MACROD2: variants seen among roughly 807,000 people sequenced by gnomAD.
The protein encoded by MACROD2 is ADP-ribose glycohydrolase MACROD2.
A neutral mutation model predicts 70.4 loss-of-function variants in MACROD2; 36 were observed. That is an observed-to-expected ratio of 0.51 (90% CI 0.39 to 0.68). MACROD2 has a LOEUF of 0.68. Ranked by LOEUF, MACROD2 falls within the 30% of genes least tolerant of loss-of-function variation. The pLI, the probability that MACROD2 is intolerant of heterozygous loss-of-function variation, is 0.00. For missense variants in MACROD2, 496 were observed against 538.4 expected, an observed-to-expected ratio of 0.92 and a Z score of 0.78; for synonymous variants, 172 against 178.8, an observed-to-expected ratio of 0.96 and a Z score of 0.30.
At chr20:15,283,208 G>C (rs2077461554) in intron 6 of MACROD2, among the ~76,000 whole-genome samples, 1 of 152,176 alleles carries the variant, frequency 6.6e-6, no homozygotes, top group Non-Finnish European at 1.5e-5. Context: ...GGGACACAGA[G>C]CCAAACCATA....
At chr20:15,897,647 T>C (rs2064993830) in intron 10 of MACROD2, among the ~76,000 whole-genome samples, 1 of 152,190 alleles carries the variant, frequency 6.6e-6, no homozygotes, top group South Asian at 2.1e-4. Context: ...TTCAACTTTA[T>C]TTAATCTGAT....
intron 5 of MACROD2, among the ~76,000 whole-genome samples, chr20:14,695,089 T>A (rs2046137024): frequency 6.6e-6 from 1 of 152,148 alleles, no homozygotes; most frequent in Admixed American, 6.5e-5. Flanking sequence ...TTCCTAGGGC[T>A]GCTGTAACAA....
chr20:15,191,793 C>T (rs2076572155), intron 5 of MACROD2, among the ~76,000 whole-genome samples: 1 of 152,050 alleles, frequency 6.6e-6, no homozygotes, highest in Admixed American at 6.6e-5. Flanking sequence ...AACCCCAGCT[C>T]AAGGATTAGG....
chr20:14,266,773 T>C (rs1444934850), intron 3 of MACROD2, among the ~76,000 whole-genome samples: 1 of 152,184 alleles, frequency 6.6e-6, no homozygotes, highest in Non-Finnish European at 1.5e-5. Context: ...TGTATATGTA[T>C]TTGTATTTGT....
intron 3 of MACROD2, among the ~76,000 whole-genome samples, chr20:14,391,620 T>C (rs574163079): frequency 6.6e-6 from 1 of 151,616 alleles, no homozygotes; most frequent in African/African-American, 2.4e-5. Flanking sequence ...TGACTTAAAA[T>C]AAAAATTAAA....
chr20:15,668,706 T>C (rs1010903380), intron 8 of MACROD2, among the ~76,000 whole-genome samples: 2 of 152,230 alleles, frequency 1.3e-5, no homozygotes, highest in African/African-American at 2.4e-5. Context: ...ATTATGAAGA[T>C]ACATTTTCTC....
intron 3 of MACROD2, among the ~76,000 whole-genome samples, chr20:14,309,210 G>C (rs1454371630): frequency 6.6e-6 from 1 of 151,976 alleles, no homozygotes; most frequent in Non-Finnish European, 1.5e-5. Flanking sequence ...CAAGACCGAG[G>C]GACAGTATGA....
chr20:14,623,347 G>C (rs1983943522), intron 4 of MACROD2, among the ~76,000 whole-genome samples: 2 of 152,100 alleles, frequency 1.3e-5, no homozygotes, highest in African/African-American at 4.8e-5. Flanking sequence ...GGATCCAGAG[G>C]GTGCTGGTTC....
chr20:15,883,273 A>C (rs1022344417), intron 9 of MACROD2, among the ~76,000 whole-genome samples: 7 of 152,172 alleles, frequency 4.6e-5, no homozygotes, highest in African/African-American at 1.7e-4. Flanking sequence ...GTCTGTTGTC[A>C]TACAGATTTT....
chr20:15,491,380 A>G (rs367741527), intron 7 of MACROD2, among the ~76,000 whole-genome samples: 9 of 152,326 alleles, frequency 5.9e-5, no homozygotes, highest in African/African-American at 2.2e-4. Context: ...ATGACACCTC[A>G]TTGTCTCAGA....
intron 3 of MACROD2, among the ~76,000 whole-genome samples, chr20:14,434,877 TC>T (rs1202873370): frequency 6.6e-6 from 1 of 152,166 alleles, no homozygotes; most frequent in Non-Finnish European, 1.5e-5. Context: ...GTGCCAGTGG[TC>T]AATTCTCATC....
At chr20:14,787,189 T>C (rs2072385298) in intron 5 of MACROD2, among the ~76,000 whole-genome samples, 1 of 152,136 alleles carries the variant, frequency 6.6e-6, no homozygotes, top group Admixed American at 6.5e-5. Flanking sequence ...AGATGGTCAG[T>C]TTTTAAGTTT....
intron 6 of MACROD2, among the ~76,000 whole-genome samples, chr20:15,276,757 T>C (rs1353230335): frequency 6.6e-6 from 1 of 152,128 alleles, no homozygotes; most frequent in Non-Finnish European, 1.5e-5. Context: ...CAGATGAGAA[T>C]AGAGGGAGAA....
intron 5 of MACROD2, among the ~76,000 whole-genome samples, chr20:15,209,485 C>T (rs1206864691): frequency 2.0e-5 from 3 of 152,122 alleles, no homozygotes; most frequent in South Asian, 2.1e-4. Flanking sequence ...TAGAACAGTG[C>T]TTGCCACATG....
chr20:15,911,920 C>T (rs1424808418), intron 10 of MACROD2, among the ~76,000 whole-genome samples: 16 of 152,162 alleles, frequency 1.1e-4, no homozygotes, highest in African/African-American at 2.4e-5. Context: ...GCAGGAGAAT[C>T]GCTTGAACCC....
chr20:15,451,761 G>A (rs1488911832), intron 7 of MACROD2, among the ~76,000 whole-genome samples: 3 of 152,168 alleles, frequency 2.0e-5, no homozygotes, highest in African/African-American at 4.8e-5. Flanking sequence ...ACAAGGGGAC[G>A]CTGTGGTTTG....
At chr20:14,883,683 C>T (rs1209647426) in intron 5 of MACROD2, among the ~76,000 whole-genome samples, 1 of 152,018 alleles carries the variant, frequency 6.6e-6, no homozygotes, top group East Asian at 1.9e-4. Flanking sequence ...ATATAGTGTC[C>T]CCTGACATGA....
chr20:14,864,836 T>C (rs1037623373), intron 5 of MACROD2, among the ~76,000 whole-genome samples: 1 of 152,112 alleles, frequency 6.6e-6, no homozygotes, highest in African/African-American at 2.4e-5. Context: ...ACCTGTGCTA[T>C]CAGTGTCAAT....
intron 5 of MACROD2, among the ~76,000 whole-genome samples, chr20:15,116,837 T>C (rs2075995225): frequency 6.6e-6 from 1 of 152,184 alleles, no homozygotes; most frequent in African/African-American, 2.4e-5. Context: ...TTTTGGGAAG[T>C]CAAAACTTAT....
Sources: allele counts gnomAD v4.1 joint callset (sites outside exome capture counted in the v4.1 genomes callset), GRCh38; gene constraint gnomAD v4.1.1; transcripts MANE v1.5; gene names NCBI Gene and HGNC (gene_info 2026-07-23, HGNC 2026-07-21).